The following KCTD1 variants were observed in gnomAD, a reference collection of about 807,000 sequenced individuals.
KCTD1 encodes BTB/POZ domain-containing protein KCTD1.
A neutral mutation model predicts 66.0 loss-of-function variants in KCTD1; 24 were observed. That is an observed-to-expected ratio of 0.36 (90% CI 0.26 to 0.51). KCTD1 has a LOEUF of 0.51. Ranked by LOEUF, KCTD1 falls within the 20% of genes least tolerant of loss-of-function variation. The probability of loss-of-function intolerance (pLI) is 0.95; values close to 1 mark genes in which losing one functional copy is unlikely to be tolerated. For missense variants in KCTD1, 943 were observed against 1,205.2 expected, an observed-to-expected ratio of 0.78 and a Z score of 3.22; for synonymous variants, 511 against 517.2, an observed-to-expected ratio of 0.99 and a Z score of 0.16.
Position 26,573,052 on chromosome 18 carries a change from C to T in KCTD1, c.-16+56095G>A, listed in dbSNP as rs552526551. Among the ~76,000 whole-genome samples, 61 of 150,470 alleles carry T rather than the reference C, an allele frequency of 4.1e-4. 1 individual carries two copies. The highest frequency in any genetic ancestry group is 9.9e-4 in the East Asian group (5 of 5,038). On this transcript the variant is annotated intron_variant, in intron 1 of 4. Coordinates refer to the KCTD1 transcript ENST00000317932. ...CCTTTTTTTTTTTGAGACAGAGTCT[C>T]GCTCTGTCACCTAGGCTGGAGTGCA...
intron 1 of KCTD1, among the ~76,000 whole-genome samples, chr18:26,614,354 TAG>T (rs1331199374): frequency 1.3e-5 from 2 of 152,222 alleles, no homozygotes; most frequent in African/African-American, 4.8e-5. Context: ...CACCTTCTAA[TAG>T]AAAGACAAAT....
chr18:26,545,375 T>C (rs1985161063), intron 1 of KCTD1: 1 of 152,216 alleles, frequency 6.6e-6, no homozygotes, highest in African/African-American at 2.4e-5. Context: ...ACTACACACC[T>C]GAAGTACAGA....
intron 1 of KCTD1, among the ~76,000 whole-genome samples, chr18:26,602,903 A>G (rs573596604): frequency 1.3e-5 from 2 of 152,366 alleles, no homozygotes; most frequent in East Asian, 3.9e-4. Flanking sequence ...CCAAAACAGC[A>G]TAGTAGTGGT....
At chr18:26,598,410 G>C (rs1006459212) in intron 1 of KCTD1, among the ~76,000 whole-genome samples, 1 of 151,676 alleles carries the variant, frequency 6.6e-6, no homozygotes, top group Non-Finnish European at 1.5e-5. Context: ...TATAAATGAC[G>C]CTGGAATGAA....
chr18:26,548,309 C>T lies in KCTD1; in HGVS notation c.228G>A (p.Glu76=). 3 of 1,506,488 alleles carry T rather than the reference C, an allele frequency of 2.0e-6. No homozygotes were observed. Among genetic ancestry groups the T allele is most frequent in the East Asian group, 2.6e-5 (1 of 39,078 alleles). The allele number at this position is 1,506,488 out of a possible 1,614,324, so 93.3% of individuals were successfully genotyped here. A position where few individuals can be genotyped will look rare whatever the true frequency, so the allele number is the denominator to read the frequency against. The change falls in exon 1 of 5, where the codon GAG becomes GAA. Residue 76 remains glutamate (E), a synonymous_variant. Coordinates refer to ENST00000580059, the MANE Select transcript of KCTD1 (RefSeq NM_001142730.3). The part of the protein sequence containing the change: ...IQEVQITGDE[E]EEEDGGGGLE... ...GCCCCCCACCTCCGTCCTCCTCCTCCTCCTCGTCCCCCGTTATCTGCACCT... is the reference window on the plus strand; with the variant it reads ...GCCCCCCACCTCCGTCCTCCTCCTCTTCCTCGTCCCCCGTTATCTGCACCT...
At chr18:26,536,101 T>C (rs942956024) in intron 1 of KCTD1, among the ~76,000 whole-genome samples, 2 of 152,156 alleles carry the variant, frequency 1.3e-5, no homozygotes, top group Admixed American at 6.5e-5. Context: ...TTTGCTTTCC[T>C]GTGAAAAACT....
chr18:26,539,157 T>C (rs958461422), intron 1 of KCTD1, among the ~76,000 whole-genome samples: 4 of 152,250 alleles, frequency 2.6e-5, no homozygotes, highest in African/African-American at 9.6e-5. Flanking sequence ...AAGAACATAC[T>C]GTGGAATCTG....
At chr18:26,514,988 A>G (rs1983577996) in intron 1 of KCTD1, among the ~76,000 whole-genome samples, 1 of 152,224 alleles carries the variant, frequency 6.6e-6, no homozygotes, top group South Asian at 2.1e-4. Flanking sequence ...AGCAGTGAAC[A>G]ATCATCCTCC....
In KCTD1 at chr18:26,454,996, T is replaced by C. The variant is rs1438212796; in HGVS notation, c.*747A>G. On this transcript the variant is annotated 3_prime_UTR_variant, in exon 5 of 5. Transcript: ENST00000580059. ...ACCTTATTTTTTAAACAGAGTTTATTGTATTTAATACATTATAAAATTTGA... is the reference window on the plus strand; with the variant it reads ...ACCTTATTTTTTAAACAGAGTTTATCGTATTTAATACATTATAAAATTTGA... 6.5e-6 allele frequency: 1 copy of C among 152,714 alleles called. No individual in the cohort carries two copies. Among genetic ancestry groups the C allele is most frequent in the East Asian group, 1.9e-4 (1 of 5,206 alleles). The allele number at this position is 152,714 out of a possible 1,614,324, so 9.5% of individuals were successfully genotyped here. A position where few individuals can be genotyped will look rare whatever the true frequency, so the allele number is the denominator to read the frequency against.
chr18:26,530,050 G>A (rs1984361687), intron 1 of KCTD1, among the ~76,000 whole-genome samples: 2 of 152,138 alleles, frequency 1.3e-5, no homozygotes, highest in Admixed American at 6.6e-5. Flanking sequence ...GCTTACTTAC[G>A]AATCAGAGTC....
At chr18:26,470,554 G>A (rs917463231) in intron 3 of KCTD1, among the ~76,000 whole-genome samples, 15 of 152,222 alleles carry the variant, frequency 9.9e-5, no homozygotes, top group African/African-American at 3.6e-4. Context: ...AAGCTTCCTG[G>A]TCCTCGATAA....
intron 1 of KCTD1, among the ~76,000 whole-genome samples, chr18:26,504,186 C>A (rs1982913303): frequency 6.6e-6 from 1 of 152,162 alleles, no homozygotes; most frequent in African/African-American, 2.4e-5. Flanking sequence ...CCCCCCACCT[C>A]AGCTTCCCAA....
Position 26,548,297 on chromosome 18 carries a change from G to A in KCTD1, c.240C>T (p.Asp80=), listed in dbSNP as rs1284083747. The part of the protein sequence containing the change: ...QITGDEEEEE[D]GGGGLEEDEE... ...CGTCCTCCTCCAGCCCCCCACCTCCGTCCTCCTCCTCCTCCTCGTCCCCCG... is the reference window on the plus strand; with the variant it reads ...CGTCCTCCTCCAGCCCCCCACCTCCATCCTCCTCCTCCTCCTCGTCCCCCG... Residue 80 remains aspartate (D), a synonymous_variant, in exon 1 of 5, where the codon GAC becomes GAT. Coordinates refer to ENST00000580059, the MANE Select transcript of KCTD1 (RefSeq NM_001142730.3). 218 of 1,477,696 alleles carry A rather than the reference G, an allele frequency of 1.5e-4. No homozygotes were observed. Among genetic ancestry groups the A allele is most frequent in the Non-Finnish European group, 1.9e-4 (207 of 1,114,172 alleles). 91.5% of individuals were successfully genotyped at this position (1,477,696 alleles called of 1,614,324 possible).
At chr18:26,656,771 G>C (rs1287056690) in intron 1 of KCTD1, among the ~76,000 whole-genome samples, 1 of 151,020 alleles carries the variant, frequency 6.6e-6, no homozygotes, top group East Asian at 2.0e-4. Flanking sequence ...CCCCCTGCGC[G>C]CCCCGCAGAG....
intron 1 of KCTD1, among the ~76,000 whole-genome samples, chr18:26,560,337 A>T (rs777803407): frequency 6.6e-6 from 1 of 152,100 alleles, no homozygotes; most frequent in Non-Finnish European, 1.5e-5. Context: ...GCCCCCCAAG[A>T]GCCCCTTGTA....
chr18:26,513,322 C>T (rs539179929), intron 1 of KCTD1, among the ~76,000 whole-genome samples: 5 of 152,130 alleles, frequency 3.3e-5, no homozygotes, highest in East Asian at 1.9e-4. Context: ...CTCCTGACCT[C>T]GTGATCTGCC....
intron 1 of KCTD1, among the ~76,000 whole-genome samples, chr18:26,509,759 C>G (rs1983239054): frequency 6.6e-6 from 1 of 152,176 alleles, no homozygotes; most frequent in Non-Finnish European, 1.5e-5. Flanking sequence ...CTGGAAAAGT[C>G]ACATATACAG....
Position 26,546,749 on chromosome 18 carries a change from A to G in KCTD1, c.1788T>C (p.Pro596=). 1 of 1,549,562 alleles carries G rather than the reference A, an allele frequency of 6.5e-7. No homozygotes were observed. Among genetic ancestry groups the G allele is most frequent in the African/African-American group, 1.4e-5 (1 of 73,024 alleles). ...TTACCTGGGTGGGGGAAACAATAGC[A>G]GGTGAAACTATTGTGGGAGAATTGG... is the stretch of plus-strand genomic sequence containing the variant. ...RSTNSPTIVS[P]AIVSPTQDSR... The change falls in exon 1 of 5, where the codon CCT becomes CCC. Residue 596 remains proline, a synonymous_variant. Coordinates refer to ENST00000580059, the MANE Select transcript of KCTD1 (RefSeq NM_001142730.3).
upstream of KCTD1, chr18:26,549,423 C>A: frequency 1.0e-6 from 1 of 985,582 alleles, no homozygotes; most frequent in Non-Finnish European, 1.2e-6. Flanking sequence ...GGGGCAAGTC[C>A]GCGCCGGTCC....
Sources: allele counts gnomAD v4.1 joint callset (sites outside exome capture counted in the v4.1 genomes callset), GRCh38; gene constraint gnomAD v4.1.1; transcripts MANE v1.5; gene names NCBI Gene and HGNC (gene_info 2026-07-23, HGNC 2026-07-21).